The following RTN3 variants were observed in gnomAD, a reference collection of about 807,000 sequenced individuals.
RTN3 encodes reticulon-3.
A neutral mutation model predicts 77.8 loss-of-function variants in RTN3; 49 were observed. The observed-to-expected ratio is 0.63, with a 90% CI of 0.50 to 0.80. The LOEUF is 0.80. Ranked by LOEUF, RTN3 falls within the 30% of genes least tolerant of loss-of-function variation. The pLI is 0.00. For synonymous variants in RTN3, 464 were observed against 446.9 expected (o/e 1.04, Z -0.48); for missense variants, 1,236 against 1,211.9 (o/e 1.02, Z -0.29).
intron 3 of RTN3, among the ~76,000 whole-genome samples, chr11:63,731,252 G>A (rs902638044): frequency 1.3e-5 from 2 of 151,910 alleles, no homozygotes; most frequent in African/African-American, 4.8e-5. Context: ...ACTAATTTTT[G>A]TATTTTAAGT....
rs1170616532 is a variant in RTN3 at position 63,741,201 on chromosome 11, A to AT, written c.2531-8787dup. Reference sequence around the variant, plus strand: ...TTTTATTATAGTTATTTATTTATTTATTTATTTATTTATTTTTTGAGATGG... The same window carrying AT: ...TTTTATTATAGTTATTTATTTATTTATTTTATTTATTTATTTTTTGAGATGG... On this transcript the variant is annotated intron_variant, in intron 3 of 8. Coordinates refer to ENST00000377819, the MANE Select transcript of RTN3 (RefSeq NM_001265589.2). Among the ~76,000 whole-genome samples the AT allele has an allele frequency of 1.6e-3, 216 of 138,930 alleles. 3 individuals are homozygous for AT. The highest frequency in any genetic ancestry group is 3.3e-3 in the African/African-American group (126 of 37,726). The allele number at this position is 138,930 out of a possible 152,430, so 91.1% of individuals were successfully genotyped here. A position where few individuals can be genotyped will look rare whatever the true frequency, so the allele number is the denominator to read the frequency against.
At chr11:63,691,580 C>G (rs1469933149) in intron 1 of RTN3, among the ~76,000 whole-genome samples, 1 of 152,048 alleles carries the variant, frequency 6.6e-6, no homozygotes, top group Non-Finnish European at 1.5e-5. Context: ...TAAGTTCGTT[C>G]TTCTCACAGT....
At position 63,681,513 on chromosome 11, in the gene RTN3, C is replaced by T. The variant is rs554436817; in HGVS notation, c.-124C>T. On this transcript the variant is annotated 5_prime_UTR_variant, in exon 1 of 9. Transcript: ENST00000377819. ...GCTGAGTCAGTCAGTCTGTCGGAGT[C>T]TGTCCTCGGAGCAGGCGGAGTAAAG... 85 of 1,027,940 alleles carry T rather than the reference C, an allele frequency of 8.3e-5. No homozygotes were observed. The East Asian group carries it at 1.5e-3, about 18-fold the overall frequency. 63.7% of individuals were successfully genotyped at this position (1,027,940 alleles called of 1,614,324 possible).
At chr11:63,714,510 TTTCTC>T (rs565959335) in intron 2 of RTN3, 121 of 151,492 alleles carry the variant, frequency 8.0e-4, no homozygotes, top group South Asian at 5.0e-3. Context: ...ATTTTTCTCT[TTTCTC>T]TTCTCTTCTC....
intron 1 of RTN3, among the ~76,000 whole-genome samples, chr11:63,694,597 G>C (rs952776879): frequency 6.6e-6 from 1 of 151,560 alleles, no homozygotes; most frequent in African/African-American, 2.4e-5. Context: ...CTCAGCCTCC[G>C]GAGTAGCTAG....
intron 3 of RTN3, among the ~76,000 whole-genome samples, chr11:63,741,771 G>A (rs1484814382): frequency 1.3e-5 from 2 of 152,110 alleles, no homozygotes; most frequent in Non-Finnish European, 2.9e-5. Flanking sequence ...AAAGGGCTGG[G>A]ATTACAGGCA....
intron 3 of RTN3, among the ~76,000 whole-genome samples, chr11:63,742,586 A>G (rs767933393): frequency 1.3e-3 from 205 of 152,050 alleles, no homozygotes; most frequent in South Asian, 4.0e-3. Flanking sequence ...CGGAGGTTGC[A>G]TTGAGCCGAG....
At chr11:63,746,055 C>T (rs182884438) in intron 3 of RTN3, among the ~76,000 whole-genome samples, 1 of 152,352 alleles carries the variant, frequency 6.6e-6, no homozygotes, top group Non-Finnish European at 1.5e-5. Flanking sequence ...AAGTGATCCA[C>T]CCACCTTGGC....
intron 1 of RTN3, among the ~76,000 whole-genome samples, chr11:63,684,332 A>G (rs1941253378): frequency 1.3e-5 from 2 of 151,842 alleles, no homozygotes; most frequent in Non-Finnish European, 1.5e-5. Context: ...TATTTTTAGT[A>G]GAAACAGGGT....
intron 2 of RTN3, among the ~76,000 whole-genome samples, chr11:63,709,586 A>ATTT (rs1565313254): frequency 8.5e-6 from 1 of 117,110 alleles, no homozygotes; most frequent in Non-Finnish European, 2.0e-5. Context: ...CCTTTTTTTA[A>ATTT]AAAAAAAAAA....
chr11:63,683,571 T>G (rs923989366), intron 1 of RTN3, among the ~76,000 whole-genome samples: 8 of 152,214 alleles, frequency 5.3e-5, no homozygotes, highest in African/African-American at 1.9e-4. Context: ...TTTTCATTCT[T>G]TTAATGCACT....
intron 3 of RTN3, among the ~76,000 whole-genome samples, chr11:63,729,796 T>C (rs1410484426): frequency 6.6e-6 from 1 of 151,186 alleles, no homozygotes; most frequent in African/African-American, 2.4e-5. Flanking sequence ...ACTATAAATA[T>C]ATATATATTT....
At position 63,719,494 on chromosome 11, in the gene RTN3, A is replaced by G; in HGVS notation, c.992A>G (p.Asp331Gly). 2 of 1,614,182 alleles carry G rather than the reference A, an allele frequency of 1.2e-6. No individual in the cohort carries two copies. Among genetic ancestry groups the G allele is most frequent in the Non-Finnish European group, 1.7e-6 (2 of 1,180,020 alleles). The change falls in exon 3 of 9, where the codon GAT becomes GGT. Residue 331 changes from aspartate (D) to glycine (G), a missense_variant. By Grantham distance (94) the Asp-to-Gly change is moderately conservative. Coordinates refer to ENST00000377819, the MANE Select transcript of RTN3 (RefSeq NM_001265589.2). ...ALEEVSRCVN[D>G]MHNFTNEILT... ...GAAGAGGTGTCCAGATGCGTGAATG[A>G]TATGCATAACTTTACTAACGAAATA...
At chr11:63,738,688 T>C (rs2013289726) in intron 3 of RTN3, among the ~76,000 whole-genome samples, 1 of 152,046 alleles carries the variant, frequency 6.6e-6, no homozygotes, top group Admixed American at 6.6e-5. Context: ...TTGAAATTTC[T>C]TTCACATTTG....
intron 4 of RTN3, among the ~76,000 whole-genome samples, chr11:63,751,838 G>T (rs1219749894): frequency 3.3e-5 from 5 of 152,018 alleles, no homozygotes; most frequent in Non-Finnish European, 7.4e-5. Flanking sequence ...CTAAAAATAT[G>T]AAAATTAGCC....
chr11:63,709,254 A>G (rs1942634776), intron 2 of RTN3, among the ~76,000 whole-genome samples: 1 of 152,248 alleles, frequency 6.6e-6, no homozygotes, highest in Non-Finnish European at 1.5e-5. Flanking sequence ...TGACCATATT[A>G]TCACTATTAG....
At chr11:63,746,854 A>T in intron 3 of RTN3, 1 of 405,872 alleles carries the variant, frequency 2.5e-6, no homozygotes, top group East Asian at 7.4e-5. Context: ...TTAAACATTG[A>T]TAAACAGTAC....
chr11:63,714,932 T>TG (rs2011307397), intron 2 of RTN3, among the ~76,000 whole-genome samples: 1 of 152,168 alleles, frequency 6.6e-6, no homozygotes, highest in Non-Finnish European at 1.5e-5. Context: ...TACACCTAAC[T>TG]TGAAACTTTT....
intron 3 of RTN3, among the ~76,000 whole-genome samples, chr11:63,742,181 G>A (rs908724411): frequency 1.1e-4 from 17 of 150,412 alleles, no homozygotes; most frequent in Non-Finnish European, 2.2e-4. Flanking sequence ...GGGTTTCACC[G>A]TGTTAGCCAG....
Sources: gnomAD v4.1 joint callset for allele counts (sites outside exome capture counted in the v4.1 genomes callset) on GRCh38, gnomAD v4.1.1 for gene constraint, MANE v1.5 for transcripts, NCBI Gene and HGNC (gene_info 2026-07-23, HGNC 2026-07-21) for gene names.